Variants in RERE observed in about 807,000 individuals in gnomAD.
The protein encoded by RERE is arginine-glutamic acid dipeptide repeats protein.
A neutral mutation model predicts 146.1 loss-of-function variants in RERE; 40 were observed. The ratio of observed to expected loss-of-function variants is 0.27; its 90% confidence interval spans 0.21 to 0.36. The LOEUF is 0.36. RERE is among the 10% of genes least tolerant of loss of function. The pLI is 1.00. For missense variants in RERE, 1,933 were observed against 2,138.7 expected, an observed-to-expected ratio of 0.90 and a Z score of 1.90; for synonymous variants, 1,003 against 866.0, an observed-to-expected ratio of 1.16 and a Z score of -2.78.
rs201784590 is a variant in RERE, at chr1:8,360,753, C to G, written c.2754G>C (p.Leu918=). Residue 918 remains leucine (L), a synonymous_variant, in exon 18 of 23, where the codon CTG becomes CTC. Coordinates refer to ENST00000400908, the MANE Select transcript of RERE (RefSeq NM_001042681.2). Reference sequence around the variant, plus strand: ...GGGGCATGGCCAAGGGCGCTGGTGGCAGGGGCTGCTCCCGTGGAGGCTGTT... The same window carrying G: ...GGGGCATGGCCAAGGGCGCTGGTGGGAGGGGCTGCTCCCGTGGAGGCTGTT... ...QSQQPPREQP[L]PPAPLAMPHI... 1.3e-4 allele frequency: 208 copies of G among 1,600,020 alleles called. No homozygotes were observed. The highest frequency in any genetic ancestry group is 1.7e-4 in the Non-Finnish European group (200 of 1,176,684).
intron 11 of RERE, chr1:8,424,878 GA>G: frequency 6.5e-6 from 1 of 152,796 alleles, no homozygotes; most frequent in Non-Finnish European, 1.5e-5. Flanking sequence ...AGTCAGCCAG[GA>G]AAAGGCACAG....
intron 1 of RERE, among the ~76,000 whole-genome samples, chr1:8,691,459 A>AT (rs1272530153): frequency 5.9e-5 from 9 of 152,328 alleles, no homozygotes; most frequent in African/African-American, 2.2e-4. Flanking sequence ...TCAAATCAAT[A>AT]TAAGTAAAGC....
intron 1 of RERE, among the ~76,000 whole-genome samples, chr1:8,713,676 G>C (rs1310665915): frequency 6.6e-6 from 1 of 152,162 alleles, no homozygotes; most frequent in African/African-American, 2.4e-5. Context: ...AGAGCCTGTA[G>C]GGAGCCGAGA....
chr1:8,665,455 G>C (rs1570583425), intron 1 of RERE, among the ~76,000 whole-genome samples: 1 of 152,120 alleles, frequency 6.6e-6, no homozygotes, highest in African/African-American at 2.4e-5. Context: ...CACATACGTT[G>C]GATCAGTAAA....
intron 12 of RERE, among the ~76,000 whole-genome samples, chr1:8,393,418 C>CA (rs1255480721): frequency 6.6e-6 from 1 of 152,152 alleles, no homozygotes; most frequent in Non-Finnish European, 1.5e-5. Context: ...TGGACCGTAG[C>CA]ATGACAAAGA....
At chr1:8,512,194 C>T (rs1325850101) in intron 7 of RERE, among the ~76,000 whole-genome samples, 3 of 147,858 alleles carry the variant, frequency 2.0e-5, no homozygotes, top group Non-Finnish European at 3.0e-5. Context: ...CCACCGCGCC[C>T]GGCTAATTTT....
At chr1:8,489,268 G>T (rs1644944570) in intron 10 of RERE, among the ~76,000 whole-genome samples, 1 of 151,850 alleles carries the variant, frequency 6.6e-6, no homozygotes. Context: ...GTTGAGGCAG[G>T]AGGATTGCTT....
At chr1:8,370,009 C>G (rs748737492) in intron 12 of RERE, among the ~76,000 whole-genome samples, 2 of 151,990 alleles carry the variant, frequency 1.3e-5, no homozygotes, top group African/African-American at 2.4e-5. Flanking sequence ...CCAGGATGGT[C>G]TCGATCTCCT....
intron 1 of RERE, among the ~76,000 whole-genome samples, chr1:8,756,018 A>G (rs1348808815): frequency 6.6e-6 from 1 of 152,176 alleles, no homozygotes; most frequent in Non-Finnish European, 1.5e-5. Flanking sequence ...ATTATCAGTC[A>G]AGTGTGGTGG....
chr1:8,657,307 A>G (rs1638343892), intron 1 of RERE, among the ~76,000 whole-genome samples: 2 of 58,562 alleles, frequency 3.4e-5, no homozygotes, highest in African/African-American at 1.1e-4. Context: ...ACTCCGTCTC[A>G]AAAAAAAAAA....
At chr1:8,598,153 G>C (rs937332129) in intron 4 of RERE, among the ~76,000 whole-genome samples, 1 of 152,150 alleles carries the variant, frequency 6.6e-6, no homozygotes, top group Admixed American at 6.5e-5. Context: ...GTGTGTATTC[G>C]AAAGATTTCC....
At chr1:8,674,896 T>C (rs1638799786) in intron 1 of RERE, among the ~76,000 whole-genome samples, 2 of 152,112 alleles carry the variant, frequency 1.3e-5, no homozygotes, top group Non-Finnish European at 2.9e-5. Flanking sequence ...AAAGGCAATA[T>C]ACACTACCAG....
At chr1:8,497,263 G>T in intron 9 of RERE, 142 bp downstream of exon 9, 1 of 752,450 alleles carries the variant, frequency 1.3e-6, no homozygotes, top group South Asian at 2.6e-5. Flanking sequence ...CCAGGGTCCC[G>T]ATTACAGAGG....
At chr1:8,392,904 G>C (rs1642932184) in intron 12 of RERE, among the ~76,000 whole-genome samples, 2 of 152,142 alleles carry the variant, frequency 1.3e-5, no homozygotes, top group African/African-American at 4.8e-5. Flanking sequence ...TTCTCTGGGG[G>C]CATTTTCAAG....
chr1:8,601,704 C>T (rs1469519427), intron 4 of RERE, among the ~76,000 whole-genome samples: 1 of 125,630 alleles, frequency 8.0e-6, no homozygotes, highest in Non-Finnish European at 1.6e-5. Flanking sequence ...GATTGAGATA[C>T]CTTAATCCCA....
At chr1:8,422,856 G>A in intron 11 of RERE, 49 bp from the exon 12 acceptor site, 1 of 1,354,120 alleles carries the variant, frequency 7.4e-7, no homozygotes, top group Non-Finnish European at 1.1e-6. Flanking sequence ...AACAAAACAG[G>A]ATGTCAGCAA....
intron 2 of RERE, among the ~76,000 whole-genome samples, chr1:8,639,990 T>C (rs896504993): frequency 2.0e-5 from 3 of 151,746 alleles, no homozygotes; most frequent in African/African-American, 7.3e-5. Context: ...ATGAAAAAAT[T>C]AAGAATAAAA....
intron 6 of RERE, among the ~76,000 whole-genome samples, chr1:8,544,773 A>C (rs1024852011): frequency 6.6e-6 from 1 of 152,166 alleles, no homozygotes; most frequent in Non-Finnish European, 1.5e-5. Context: ...AAGTAAAACA[A>C]TGAGAATCAT....
chr1:8,525,900 C>T, intron 7 of RERE: 2 of 1,414,032 alleles, frequency 1.4e-6, no homozygotes, highest in Non-Finnish European at 1.8e-6. Context: ...TCTCAGAGAC[C>T]TCATAGAGCT....
Sources: allele counts gnomAD v4.1 joint callset (sites outside exome capture counted in the v4.1 genomes callset), GRCh38; gene constraint gnomAD v4.1.1; transcripts MANE v1.5; gene names NCBI Gene and HGNC (gene_info 2026-07-23, HGNC 2026-07-21).